NLRP13: variants seen among roughly 807,000 people sequenced by gnomAD.
NLRP13 encodes the protein NACHT, LRR and PYD domains-containing protein 13.
In NLRP13, 82 loss-of-function variants were observed where a neutral mutation model predicts 94.4. That is an observed-to-expected ratio of 0.87 (90% confidence interval 0.73 to 1.04). The LOEUF (loss-of-function observed/expected upper bound fraction) is 1.04, where lower values mean the gene tolerates loss of function less well. Among genes scored for constraint, NLRP13 ranks in the 50% least tolerant of loss-of-function variants. The probability of loss-of-function intolerance (pLI) is 0.00; values close to 1 mark genes in which losing one functional copy is unlikely to be tolerated. For missense variants in NLRP13, 1,426 were observed against 1,230.8 expected (o/e 1.16, Z -2.37); for synonymous variants, 553 against 464.7 (o/e 1.19, Z -2.45).
At chr19:55,903,033 A>G (rs566963911) in intron 8 of NLRP13, among the ~76,000 whole-genome samples, 12 of 151,422 alleles carry the variant, frequency 7.9e-5, no homozygotes, top group Non-Finnish European at 1.5e-4. Context: ...ATTACAACCT[A>G]TATGTATATG....
chr19:55,930,898 A>ATATACACGTATATATATACATATATATAT, intron 1 of NLRP13, among the ~76,000 whole-genome samples: 1 of 104,910 alleles, frequency 9.5e-6, no homozygotes, highest in African/African-American at 3.9e-5. Flanking sequence ...ATATATATAT[A>ATATACACGTATATATATACATATATATAT]AAATTTTAAC....
intron 4 of NLRP13, among the ~76,000 whole-genome samples, chr19:55,913,548 C>CAAATAAAAAAAAAAAAAAA (rs1986594570): frequency 1.9e-5 from 1 of 52,056 alleles, no homozygotes; most frequent in Non-Finnish European, 4.0e-5. Flanking sequence ...GACTCCGTCT[C>CAAATAAAAAAAAAAAAAAA]AAAAAAAAAA....
At chr19:55,925,685 T>C (rs1040383497) in intron 1 of NLRP13, among the ~76,000 whole-genome samples, 2 of 152,148 alleles carry the variant, frequency 1.3e-5, no homozygotes, top group Non-Finnish European at 2.9e-5. Flanking sequence ...CTTCTATAAC[T>C]CACAGTGGCC....
At chr19:55,930,365 C>G (rs747786380) in intron 1 of NLRP13, among the ~76,000 whole-genome samples, 2 of 152,136 alleles carry the variant, frequency 1.3e-5, no homozygotes, top group African/African-American at 2.4e-5. Context: ...AGAGTCAGTA[C>G]AAATGTATAG....
At chr19:55,926,442 C>T (rs1986967631) in intron 1 of NLRP13, among the ~76,000 whole-genome samples, 1 of 152,220 alleles carries the variant, frequency 6.6e-6, no homozygotes. Context: ...ACTGGTCACT[C>T]ACCAGGCCTA....
Position 55,910,567 on chromosome 19 carries a change from G to A in NLRP13, c.2278C>T (p.Leu760=), listed in dbSNP as rs767192716. The A allele has an allele frequency of 6.9e-6, 11 of 1,602,146 alleles. No individual in the cohort carries two copies. The highest frequency in any genetic ancestry group is 7.7e-6 in the Non-Finnish European group (9 of 1,171,504). Residue 760 remains leucine (L), a synonymous_variant, in exon 6 of 11, where the codon CTG becomes TTG. Transcript: ENST00000342929. Reference sequence around the variant, plus strand: ...CTGCTGGCGTCTCACACTTACGTCAGTTTCTGGACTTTGCATCTTGGATTT... The same window carrying A: ...CTGCTGGCGTCTCACACTTACGTCAATTTCTGGACTTTGCATCTTGGATTT... ...LKNPRCKVQK[L]TCKSVTPEWV...
rs1382183767 is a variant in NLRP13 at position 55,910,731 on chromosome 19, G to A, written c.2114C>T (p.Thr705Ile). Residue 705 changes from threonine (T) to isoleucine (I), a missense_variant and splice_region_variant, in exon 6 of 11, where the codon ACA (threonine) becomes ATA (isoleucine). Coordinates refer to ENST00000342929, the MANE Select transcript of NLRP13 (RefSeq NM_176810.2). ...GTGCATCCTGGAATCAAACTTGCTT[G>A]TCCTTCATGAGGGAGAGACAGAACA... ...ILERDLEILETSKFDSRMHAW... is the reference protein window; with the variant it reads ...ILERDLEILEISKFDSRMHAW... The A allele has an allele frequency of 6.2e-7, 1 of 1,606,250 alleles. No homozygotes were observed. The highest frequency in any genetic ancestry group is 8.5e-7 in the Non-Finnish European group (1 of 1,174,060).
intron 4 of NLRP13, among the ~76,000 whole-genome samples, chr19:55,914,791 C>A (rs1986635685): frequency 1.3e-5 from 2 of 152,166 alleles, no homozygotes; most frequent in South Asian, 4.1e-4. Flanking sequence ...TCTATTGCAT[C>A]TATAGGCCAT....
chr19:55,892,953 A>G (rs978646470), downstream of NLRP13, among the ~76,000 whole-genome samples: 1 of 152,190 alleles, frequency 6.6e-6, no homozygotes, highest in African/African-American at 2.4e-5. Flanking sequence ...TCACAATAGC[A>G]TTGACATGGA....
chr19:55,923,475 T>C (rs1986888726), intron 4 of NLRP13, among the ~76,000 whole-genome samples: 1 of 152,188 alleles, frequency 6.6e-6, no homozygotes, highest in African/African-American at 2.4e-5. Flanking sequence ...AAACCTGGCC[T>C]TTCATCACCC....
At chr19:55,924,682 A>C (rs1460097576) in intron 2 of NLRP13, 24 bp from the exon 3 acceptor site, 1 of 1,597,594 alleles carries the variant, frequency 6.3e-7, no homozygotes, top group Admixed American at 1.7e-5. Context: ...TGACGATGAG[A>C]TATGAAAATA....
At chr19:55,908,409 T>C (rs1485653053) in intron 6 of NLRP13, among the ~76,000 whole-genome samples, 1 of 152,154 alleles carries the variant, frequency 6.6e-6, no homozygotes, top group Non-Finnish European at 1.5e-5. Flanking sequence ...GACTGCCCAA[T>C]CCCATTACTG....
intron 7 of NLRP13, 133 bp downstream of exon 7, chr19:55,907,659 C>G (rs191847309): frequency 2.4e-6 from 2 of 825,970 alleles, no homozygotes; most frequent in Non-Finnish European, 4.0e-6. Flanking sequence ...CACATAGGAA[C>G]ATTCTCCTTT....
intron 4 of NLRP13, among the ~76,000 whole-genome samples, chr19:55,914,265 T>C (rs1315295172): frequency 6.6e-6 from 1 of 152,200 alleles, no homozygotes; most frequent in East Asian, 1.9e-4. Context: ...TGGGGCCTAC[T>C]ACGTATGCTG....
At chr19:55,928,131 T>C (rs1319131064) in intron 1 of NLRP13, among the ~76,000 whole-genome samples, 1 of 152,168 alleles carries the variant, frequency 6.6e-6, no homozygotes, top group African/African-American at 2.4e-5. Context: ...TTGAGAGGTA[T>C]CTTCCCCATG....
Position 55,919,532 on chromosome 19 carries a change from G to A in NLRP13, c.523+4382C>T, listed in dbSNP as rs114791245. 6.6e-3 allele frequency among the ~76,000 whole-genome samples: 1,007 copies of A among 151,916 alleles called. 14 individuals carry two copies. The highest frequency in any genetic ancestry group is 0.023 in the African/African-American group (959 of 41,474). On this transcript the variant is annotated intron_variant, in intron 4 of 10. Coordinates refer to ENST00000342929, the MANE Select transcript of NLRP13 (RefSeq NM_176810.2). ...CATAAAATCTTAGTATTAAAATAAAGCAATGTACAAATATCAGTAGCCTTT... is the reference window on the plus strand; with the variant it reads ...CATAAAATCTTAGTATTAAAATAAAACAATGTACAAATATCAGTAGCCTTT...
At position 55,925,367 on chromosome 19, in the gene NLRP13, C is replaced by T. The variant is rs183122570; in HGVS notation, c.320-332G>A. On this transcript the variant is annotated intron_variant, in intron 1 of 10. Coordinates refer to ENST00000342929, the MANE Select transcript of NLRP13 (RefSeq NM_176810.2). ...GCCTGATAATCCTAATCATGACTAC[C>T]ACCTATATCTTTAATAACATACCTT... 1.9e-4 allele frequency among the ~76,000 whole-genome samples: 29 copies of T among 152,328 alleles called. 1 individual carries two copies. Among genetic ancestry groups the T allele is most frequent in the Non-Finnish European group, 1.8e-4 (12 of 68,038 alleles).
intron 6 of NLRP13, 95 bp downstream of exon 6, chr19:55,910,468 G>C (rs930745083): frequency 2.5e-6 from 3 of 1,201,270 alleles, no homozygotes; most frequent in Non-Finnish European, 3.4e-6. Context: ...CACGTAGCTT[G>C]CCTTCTGGCA....
At position 55,924,608 on chromosome 19, in the gene NLRP13, CG is replaced by C; in HGVS notation, c.438del (p.Asp146GlufsTer3). On this transcript the variant is annotated frameshift_variant, in exon 3 of 11. Coordinates refer to ENST00000342929, the MANE Select transcript of NLRP13 (RefSeq NM_176810.2). LOFTEE classifies it high-confidence loss of function. Reference protein sequence around the residue: ...GCQDPNQEELDELEEETGNVQ... With the variant: ...GCQDPNQEELXELEEETGNVQ... ...TACACACCTGTTTCTTCTTCTAGCTCGTCTAGTTCTTCTTGGTTTGGATCTT... is the reference window on the plus strand; with the variant it reads ...TACACACCTGTTTCTTCTTCTAGCTCTCTAGTTCTTCTTGGTTTGGATCTT... 1 of 1,612,754 alleles carries C rather than the reference CG, an allele frequency of 6.2e-7. No individual in the cohort carries two copies. The highest frequency in any genetic ancestry group is 8.5e-7 in the Non-Finnish European group (1 of 1,179,122).
Sources: allele counts gnomAD v4.1 joint callset (sites outside exome capture counted in the v4.1 genomes callset), GRCh38; gene constraint gnomAD v4.1.1; transcripts MANE v1.5; gene names NCBI Gene and HGNC (gene_info 2026-07-23, HGNC 2026-07-21).